The following EPM2A variants were observed in gnomAD, a reference collection of about 807,000 sequenced individuals.
EPM2A encodes laforin.
Under a neutral mutation model 26.5 loss-of-function variants are expected in EPM2A, and 21 were observed. That is an observed-to-expected ratio of 0.79 (90% CI 0.56 to 1.14). The LOEUF is 1.14. Ranked by LOEUF, EPM2A falls within the 50% of genes most tolerant of loss-of-function variation. The probability of loss-of-function intolerance (pLI) is 0.00; values close to 1 mark genes in which losing one functional copy is unlikely to be tolerated. For synonymous variants in EPM2A, 217 were observed against 177.6 expected (o/e 1.22, Z -1.76); for missense variants, 458 against 440.8 (o/e 1.04, Z -0.35).
chr6:145,590,119 T>A (rs1240162157), intron 2 of EPM2A, among the ~76,000 whole-genome samples: 1 of 152,098 alleles, frequency 6.6e-6, no homozygotes, highest in Non-Finnish European at 1.5e-5. Context: ...ACACTAATTT[T>A]GACAACTTGC....
chr6:145,422,366 G>T (rs1778800831), intron 4 of EPM2A, among the ~76,000 whole-genome samples: 1 of 148,378 alleles, frequency 6.7e-6, no homozygotes, highest in Non-Finnish European at 1.5e-5. Flanking sequence ...GAAAGTCCCA[G>T]TTTTGTACTT....
intron 1 of EPM2A, among the ~76,000 whole-genome samples, chr6:145,710,056 G>T (rs1256956191): frequency 6.6e-6 from 1 of 152,018 alleles, no homozygotes; most frequent in African/African-American, 2.4e-5. Context: ...CATAGGCATG[G>T]GCAAGGACTT....
At chr6:145,456,919 A>G (rs1032937151) in intron 4 of EPM2A, among the ~76,000 whole-genome samples, 1 of 152,194 alleles carries the variant, frequency 6.6e-6, no homozygotes, top group African/African-American at 2.4e-5. Flanking sequence ...GCCACCTTAC[A>G]GATGTTATAA....
chr6:145,483,372 A>G (rs1779633565), intron 4 of EPM2A, among the ~76,000 whole-genome samples: 1 of 152,074 alleles, frequency 6.6e-6, no homozygotes, highest in Non-Finnish European at 1.5e-5. Context: ...ACCTCTCTGA[A>G]ACAAAGACAG....
chr6:145,728,066 G>T (rs1378783264), intron 1 of EPM2A, among the ~76,000 whole-genome samples: 1 of 152,100 alleles, frequency 6.6e-6, no homozygotes, highest in Non-Finnish European at 1.5e-5. Flanking sequence ...CTTCCCCTCT[G>T]CCTTCTGCCA....
At chr6:145,398,859 C>CA (rs67242355) in intron 4 of EPM2A, among the ~76,000 whole-genome samples, 60,861 of 131,182 alleles carry the variant, frequency 0.46, 13,537 homozygotes, top group East Asian at 0.66. Context: ...GACTCTGTCT[C>CA]AAAAAAAAAA....
chr6:145,692,389 C>T (rs537988519), intron 1 of EPM2A, among the ~76,000 whole-genome samples: 28 of 152,042 alleles, frequency 1.8e-4, no homozygotes, highest in Middle Eastern at 3.4e-3. Flanking sequence ...ATTTATACAG[C>T]ACCCAATATA....
At chr6:145,691,609 A>AT (rs1287337218) in intron 1 of EPM2A, among the ~76,000 whole-genome samples, 2 of 152,086 alleles carry the variant, frequency 1.3e-5, no homozygotes, top group Admixed American at 1.3e-4. Context: ...TGTAAAGGAA[A>AT]TATTTAAGGC....
chr6:145,446,598 C>G (rs1779131889), intron 4 of EPM2A, among the ~76,000 whole-genome samples: 1 of 152,110 alleles, frequency 6.6e-6, no homozygotes, highest in Admixed American at 6.5e-5. Context: ...TTCATATGAC[C>G]TAGCCCTGTG....
intron 4 of EPM2A, among the ~76,000 whole-genome samples, chr6:145,448,544 A>G (rs1297451276): frequency 6.6e-6 from 1 of 152,202 alleles, no homozygotes; most frequent in East Asian, 1.9e-4. Flanking sequence ...GAGTTAATGC[A>G]AGGGGAGAAC....
chr6:145,647,942 G>A (rs1777606387), intron 2 of EPM2A, among the ~76,000 whole-genome samples: 1 of 152,164 alleles, frequency 6.6e-6, no homozygotes, highest in South Asian at 2.1e-4. Flanking sequence ...AAATGTGAAA[G>A]CTGTTTTTAG....
intron 4 of EPM2A, among the ~76,000 whole-genome samples, chr6:145,474,188 G>A (rs190990149): frequency 1.1e-4 from 16 of 152,188 alleles, no homozygotes; most frequent in South Asian, 4.1e-4. Flanking sequence ...TGGGACCAGC[G>A]TGGTGGCTCA....
At chr6:145,522,587 A>T (rs1780217093) in intron 2 of EPM2A, among the ~76,000 whole-genome samples, 1 of 152,102 alleles carries the variant, frequency 6.6e-6, no homozygotes, top group Non-Finnish European at 1.5e-5. Flanking sequence ...TGCAGGCTAA[A>T]ATTTATATCC....
chr6:145,505,785 T>A (rs138951784), intron 2 of EPM2A, among the ~76,000 whole-genome samples: 3,019 of 152,324 alleles, frequency 0.02, 42 homozygotes, highest in Admixed American at 0.04. Context: ...TAATAAAAAT[T>A]ATAATGCATC....
intron 2 of EPM2A, among the ~76,000 whole-genome samples, chr6:145,567,607 T>C (rs1053200387): frequency 2.0e-5 from 3 of 152,196 alleles, no homozygotes; most frequent in African/African-American, 7.2e-5. Context: ...AGCCTAACTG[T>C]AGGGATCCTG....
intron 2 of EPM2A, among the ~76,000 whole-genome samples, chr6:145,680,644 TG>T (rs1192825567): frequency 6.6e-6 from 1 of 150,512 alleles, no homozygotes; most frequent in East Asian, 2.0e-4. Flanking sequence ...ATGTGGTGTT[TG>T]GTTTTTTGTC....
At chr6:145,538,225 T>C (rs1780460015) in intron 2 of EPM2A, among the ~76,000 whole-genome samples, 1 of 152,118 alleles carries the variant, frequency 6.6e-6, no homozygotes, top group Non-Finnish European at 1.5e-5. Flanking sequence ...CCACCAACAG[T>C]GTAAAAGCAT....
At chr6:145,687,905 A>C (rs1303193776) in intron 1 of EPM2A, among the ~76,000 whole-genome samples, 1 of 152,174 alleles carries the variant, frequency 6.6e-6, no homozygotes, top group Non-Finnish European at 1.5e-5. Context: ...TTTAATAGAT[A>C]AAAACCAAAC....
At chr6:145,588,225 T>G (rs955641515) in intron 2 of EPM2A, among the ~76,000 whole-genome samples, 33 of 152,196 alleles carry the variant, frequency 2.2e-4, no homozygotes, top group African/African-American at 8.0e-4. Context: ...AATATAATAT[T>G]GTGGTTTAAC....
Sources: gnomAD v4.1 joint callset for allele counts (sites outside exome capture counted in the v4.1 genomes callset) on GRCh38, gnomAD v4.1.1 for gene constraint, MANE v1.5 for transcripts, NCBI Gene and HGNC (gene_info 2026-07-23, HGNC 2026-07-21) for gene names.